BLNK: variants seen among roughly 807,000 people sequenced by gnomAD.
BLNK encodes the protein B-cell linker protein.
Under a neutral mutation model 73.5 loss-of-function variants are expected in BLNK, and 29 were observed. That is an observed-to-expected ratio of 0.39 (90% CI 0.29 to 0.54). BLNK has a LOEUF of 0.54. BLNK is among the 20% of genes least tolerant of loss of function. The pLI is 0.61. For missense variants in BLNK, 460 were observed against 562.8 expected (o/e 0.82, Z 1.85); for synonymous variants, 176 against 200.8 (o/e 0.88, Z 1.04).
rs1554902842 is a variant in BLNK, at chr10:96,227,555, A to G, written c.216T>C (p.Tyr72=). ...AGTCCGAGTGCTCATCTGGATTTTC[A>G]TAGTCGCTGTCCTGCAAGTGCAGAT... ...EQWSDDFDSD[Y]ENPDEHSDSE... The change falls in exon 5 of 17, where the codon TAT becomes TAC. Residue 72 remains tyrosine, a synonymous_variant. Transcript: ENST00000224337. 1.2e-6 allele frequency: 2 copies of G among 1,614,080 alleles called. No homozygotes were observed. The highest frequency in any genetic ancestry group is 1.7e-6 in the Non-Finnish European group (2 of 1,180,034).
rs540918262 is a variant in BLNK at position 96,254,020 on chromosome 10, CAAAAAAAAT to C, written c.48-6980_48-6972del. On this transcript the variant is annotated intron_variant, in intron 1 of 16. Transcript: ENST00000224337. ...TGGGCGACAGAGCAAGACTCTGTCT[CAAAAAAAAT>C]AAAAAAAATTAAAAAAATAAAAAAA... Among the ~76,000 whole-genome samples, 374 of 120,948 alleles carry C rather than the reference CAAAAAAAAT, an allele frequency of 3.1e-3. 5 individuals carry two copies. Among genetic ancestry groups the C allele is most frequent in the Middle Eastern group, 0.021 (4 of 190 alleles). The allele number at this position is 120,948 out of a possible 152,430, so 79.3% of individuals were successfully genotyped here.
rs782436993 is a variant in BLNK, at chr10:96,223,834, C to T, written c.517G>A (p.Glu173Lys). The T allele has an allele frequency of 2.5e-6, 4 of 1,613,800 alleles. No individual in the cohort carries two copies. The highest frequency in any genetic ancestry group is 3.4e-6 in the Non-Finnish European group (4 of 1,180,010). The change falls in exon 6 of 17, where the codon GAG (glutamate) becomes AAG (lysine). Residue 173 changes from glutamate to lysine, a missense_variant. This residue lies in a region of BLNK where 233 missense variants were observed against 232.1 expected (regional missense o/e 1.00). Transcript: ENST00000224337. ...GCACAGATTTACTTTACCTCATCCT[C>T]AAGGAGGCCTTTGGGTTTGGGTGGG... ...QVPPKPKGLL[E>K]DEADYVVPVE...
chr10:96,250,924 G>A (rs998488830), intron 1 of BLNK, among the ~76,000 whole-genome samples: 7 of 152,078 alleles, frequency 4.6e-5, no homozygotes, highest in Non-Finnish European at 8.8e-5. Flanking sequence ...GATATTTATG[G>A]ATGCATGTGA....
intron 4 of BLNK, among the ~76,000 whole-genome samples, chr10:96,228,423 A>G (rs10882748): frequency 0.55 from 83,223 of 151,890 alleles, 23,521 homozygotes; most frequent in Non-Finnish European, 0.6. Context: ...CGCCCAGCTA[A>G]TTTTTGTATT....
In BLNK at chr10:96,189,895, C is replaced by A. The variant is rs1177637824; in HGVS notation, c.*2078G>T. 32 of 1,048,796 alleles carry A rather than the reference C, an allele frequency of 3.1e-5. No individual in the cohort carries two copies. The highest frequency in any genetic ancestry group is 6.8e-5 in the Admixed American group (4 of 58,988). 65.0% of individuals were successfully genotyped at this position (1,048,796 alleles called of 1,614,324 possible). On this transcript the variant is annotated 3_prime_UTR_variant, in exon 17 of 17. Coordinates refer to ENST00000224337, the MANE Select transcript of BLNK (RefSeq NM_013314.4). ...CTACTAAATGCTGTCCACTAATATG[C>A]ACTGGCCCTGAACCACACTTCAACC... is the stretch of plus-strand genomic sequence containing the variant.
At chr10:96,254,574 G>A (rs568945769) in intron 1 of BLNK, among the ~76,000 whole-genome samples, 26 of 151,806 alleles carry the variant, frequency 1.7e-4, no homozygotes, top group African/African-American at 5.6e-4. Context: ...GCAATAGCAC[G>A]ATCTCAGCTC....
chr10:96,226,437 C>A (rs1842263891), intron 5 of BLNK, among the ~76,000 whole-genome samples: 1 of 152,146 alleles, frequency 6.6e-6, no homozygotes, highest in Non-Finnish European at 1.5e-5. Context: ...ACATGTAGAG[C>A]CGGTCCATAC....
intron 8 of BLNK, among the ~76,000 whole-genome samples, chr10:96,213,716 A>C (rs1554899163): frequency 6.6e-6 from 1 of 152,184 alleles, no homozygotes; most frequent in Non-Finnish European, 1.5e-5. Context: ...TCTCTAAAGG[A>C]GGGTTGAGGT....
chr10:96,201,566 G>A (rs587773584), intron 13 of BLNK, among the ~76,000 whole-genome samples: 39 of 152,172 alleles, frequency 2.6e-4, no homozygotes, highest in Non-Finnish European at 4.0e-4. Flanking sequence ...TAAAATACTA[G>A]GTATCAATAG....
chr10:96,192,561 A>G (rs1554893741), intron 16 of BLNK, among the ~76,000 whole-genome samples: 1 of 152,120 alleles, frequency 6.6e-6, no homozygotes, highest in Non-Finnish European at 1.5e-5. Flanking sequence ...TTTCTTTTTT[A>G]AACAAATAAA....
rs995357988 is a variant in BLNK at position 96,265,869 on chromosome 10, T to C, written c.47+5483A>G. Among the ~76,000 whole-genome samples the C allele has an allele frequency of 2.6e-5, 4 of 152,314 alleles. No individual in the cohort carries two copies. In the South Asian group the frequency reaches 6.2e-4, roughly 24 times the overall value. ...ACTGCCCTGTACAATGTAGGATGTT[T>C]AGCAGCATCCTTGGGGACTAACTAC... On this transcript the variant is annotated intron_variant, in intron 1 of 16. Coordinates refer to ENST00000224337, the MANE Select transcript of BLNK (RefSeq NM_013314.4).
At chr10:96,199,466 C>G (rs782743068) in intron 15 of BLNK, 1 of 459,208 alleles carries the variant, frequency 2.2e-6, no homozygotes, top group South Asian at 1.6e-5. Context: ...CAGCACCAAG[C>G]CTTCCATAGA....
intron 8 of BLNK, among the ~76,000 whole-genome samples, chr10:96,212,228 A>C (rs1386205503): frequency 6.6e-6 from 1 of 152,176 alleles, no homozygotes; most frequent in Non-Finnish European, 1.5e-5. Context: ...AGTTCTAGGG[A>C]AGGATGGAGC....
chr10:96,254,639 T>G (rs1415552853), intron 1 of BLNK, among the ~76,000 whole-genome samples: 1 of 152,072 alleles, frequency 6.6e-6, no homozygotes, highest in Non-Finnish European at 1.5e-5. Flanking sequence ...GCCTCCCGAG[T>G]AGCTGGGATT....
chr10:96,257,802 C>T (rs569780589), intron 1 of BLNK, among the ~76,000 whole-genome samples: 2 of 152,296 alleles, frequency 1.3e-5, no homozygotes, highest in African/African-American at 2.4e-5. Context: ...AACACAAACC[C>T]GACCCTCTTG....
intron 6 of BLNK, among the ~76,000 whole-genome samples, chr10:96,219,298 C>A (rs1314423633): frequency 5.3e-5 from 8 of 152,202 alleles, no homozygotes; most frequent in African/African-American, 1.9e-4. Flanking sequence ...TGAGTGGCTG[C>A]GGATCCCTGC....
At chr10:96,207,609 C>T (rs1554897724) in intron 10 of BLNK, among the ~76,000 whole-genome samples, 1 of 152,180 alleles carries the variant, frequency 6.6e-6, no homozygotes, top group Non-Finnish European at 1.5e-5. Context: ...GGGCAGGGAA[C>T]CTGGCTGCCC....
chr10:96,261,682 A>G (rs915662984), intron 1 of BLNK, among the ~76,000 whole-genome samples: 1 of 152,188 alleles, frequency 6.6e-6, no homozygotes, highest in African/African-American at 2.4e-5. Flanking sequence ...ACAATCATAT[A>G]TATGTACAGA....
intron 5 of BLNK, among the ~76,000 whole-genome samples, chr10:96,227,205 C>T (rs183541721): frequency 5.3e-5 from 8 of 152,308 alleles, no homozygotes; most frequent in East Asian, 3.9e-4. Context: ...CTAGGAAAGA[C>T]GCCTCTTCCC....
Sources: allele counts gnomAD v4.1 joint callset (sites outside exome capture counted in the v4.1 genomes callset), GRCh38; gene constraint gnomAD v4.1.1; regional missense constraint gnomAD v4.1.1; transcripts MANE v1.5; gene names NCBI Gene and HGNC (gene_info 2026-07-23, HGNC 2026-07-21).